KMT2E: variants seen among roughly 807,000 people sequenced by gnomAD.
KMT2E encodes the protein histone reader KMT2E.
In KMT2E, 30 loss-of-function variants were observed where a neutral mutation model predicts 184.6. The ratio of observed to expected loss-of-function variants is 0.16; its 90% confidence interval spans 0.12 to 0.22. KMT2E has a LOEUF of 0.22. KMT2E is among the 10% of genes least tolerant of loss of function. The pLI is 1.00. For synonymous variants in KMT2E, 815 were observed against 776.5 expected, an observed-to-expected ratio of 1.05 and a Z score of -0.82; for missense variants, 2,023 against 2,237.4, an observed-to-expected ratio of 0.90 and a Z score of 1.93.
At chr7:105,111,100 C>CTTACAT in intron 26 of KMT2E, 1 of 473,658 alleles carries the variant, frequency 2.1e-6, no homozygotes. Flanking sequence ...ACTTCAACAG[C>CTTACAT]TTACATTTTC....
At chr7:105,076,665 A>T (rs1797536871) in intron 9 of KMT2E, among the ~76,000 whole-genome samples, 1 of 152,214 alleles carries the variant, frequency 6.6e-6, no homozygotes, top group South Asian at 2.1e-4. Context: ...CACAGAGGTC[A>T]GCTGTATGCT....
intron 6 of KMT2E, 120 bp downstream of exon 6, chr7:105,066,927 C>A (rs1166280059): frequency 2.8e-5 from 21 of 737,646 alleles, no homozygotes; most frequent in African/African-American, 1.7e-5. Context: ...CATGGTGGCT[C>A]ATGCCTGTAG....
At chr7:105,047,198 C>T (rs1008156710) in intron 3 of KMT2E, among the ~76,000 whole-genome samples, 3 of 152,158 alleles carry the variant, frequency 2.0e-5, no homozygotes, top group Non-Finnish European at 2.9e-5. Flanking sequence ...AGGGATGGCA[C>T]GTAGGCATCT....
At position 105,113,518 on chromosome 7, in the gene KMT2E, G is replaced by GTAA; in HGVS notation, c.*187_*188insATA. 1.8e-6 allele frequency: 1 copy of GTAA among 555,866 alleles called. No homozygotes were observed. Among genetic ancestry groups the GTAA allele is most frequent in the East Asian group, 3.4e-5 (1 of 29,420 alleles). The allele number at this position is 555,866 out of a possible 1,614,324, so 34.4% of individuals were successfully genotyped here. ...CTTTAAAAAATGTGCTGTTAAGCCA[G>GTAA]TATTAGGTATCTTTATTTTGTAAGT... is the stretch of plus-strand genomic sequence containing the variant. On this transcript the variant is annotated 3_prime_UTR_variant, in exon 27 of 27. Transcript: ENST00000311117.
At chr7:105,103,368 A>G (rs1025788792) in intron 17 of KMT2E, 1 of 152,168 alleles carries the variant, frequency 6.6e-6, no homozygotes, top group Non-Finnish European at 1.5e-5. Context: ...CCAAATTATC[A>G]TGATTTCCCC....
At chr7:105,107,961 T>G (rs1798986553) in intron 22 of KMT2E, 36 bp downstream of exon 22, 2 of 479,556 alleles carry the variant, frequency 4.2e-6, no homozygotes, top group South Asian at 4.5e-5. Context: ...CTTTTAATAG[T>G]TTTTTTTTTT....
rs551559211 is a variant in KMT2E at position 105,069,593 on chromosome 7, T to A, written c.497+2786T>A. 3.3e-5 allele frequency among the ~76,000 whole-genome samples: 5 copies of A among 152,362 alleles called. No individual in the cohort carries two copies. The East Asian group carries it at 9.6e-4, about 29-fold the overall frequency. ...TACACACTTATGTTGTTTAGGTCAT[T>A]AATTTTATTGATTTTTAAAAAATTA... On this transcript the variant is annotated intron_variant, in intron 6 of 26. Transcript: ENST00000311117.
chr7:105,068,288 T>C (rs2129567546), intron 6 of KMT2E, among the ~76,000 whole-genome samples: 1 of 152,220 alleles, frequency 6.6e-6, no homozygotes, highest in South Asian at 2.1e-4. Context: ...ACTATTTTCA[T>C]AGTTAGACTG....
At chr7:105,043,793 A>G (rs1795988010) in intron 3 of KMT2E, among the ~76,000 whole-genome samples, 1 of 152,208 alleles carries the variant, frequency 6.6e-6, no homozygotes, top group South Asian at 2.1e-4. Context: ...GAATAGAAAT[A>G]TTACGTAAAT....
At chr7:105,023,852 G>A (rs1426802167) in intron 1 of KMT2E, among the ~76,000 whole-genome samples, 2 of 152,160 alleles carry the variant, frequency 1.3e-5, no homozygotes, top group South Asian at 2.1e-4. Context: ...TGGTGAGATG[G>A]TATATACACA....
intron 13 of KMT2E, among the ~76,000 whole-genome samples, chr7:105,084,972 A>G (rs1797902804): frequency 1.3e-5 from 2 of 152,108 alleles, no homozygotes; most frequent in East Asian, 1.9e-4. Context: ...TAATTTGTGT[A>G]TATTTTATGG....
chr7:105,053,966 A>T (rs914994492), intron 3 of KMT2E, among the ~76,000 whole-genome samples: 7 of 152,084 alleles, frequency 4.6e-5, no homozygotes, highest in Non-Finnish European at 1.0e-4. Context: ...TGGGGTCGGG[A>T]GCTTGAGACC....
intron 26 of KMT2E, 32 bp from the exon 27 acceptor site, chr7:105,111,793 T>TCTTCATA: frequency 1.3e-6 from 2 of 1,570,784 alleles, no homozygotes; most frequent in South Asian, 2.4e-5. Flanking sequence ...AAAATGTTCC[T>TCTTCATA]TGAATGTATA....
chr7:105,014,701 T>A (rs1794637258), intron 1 of KMT2E, among the ~76,000 whole-genome samples, 166 bp downstream of exon 1: 1 of 152,054 alleles, frequency 6.6e-6, no homozygotes, highest in Admixed American at 6.6e-5. Context: ...AAATCGAATT[T>A]ATTCTTTCTT....
chr7:105,069,443 A>G (rs1465751644), intron 6 of KMT2E, among the ~76,000 whole-genome samples: 1 of 152,234 alleles, frequency 6.6e-6, no homozygotes, highest in African/African-American at 2.4e-5. Flanking sequence ...CACTAGCACC[A>G]ACAATATGAT....
chr7:105,085,032 A>G (rs562443517), intron 13 of KMT2E, among the ~76,000 whole-genome samples: 1 of 151,788 alleles, frequency 6.6e-6, no homozygotes, highest in South Asian at 2.1e-4. Context: ...CATTCTTGAC[A>G]TAACTTTTTC....
chr7:105,046,913 T>C (rs1212806081), intron 3 of KMT2E, among the ~76,000 whole-genome samples: 1 of 152,198 alleles, frequency 6.6e-6, no homozygotes, highest in African/African-American at 2.4e-5. Flanking sequence ...GTCCACAGGC[T>C]CAAAGATTTG....
intron 1 of KMT2E, among the ~76,000 whole-genome samples, chr7:105,037,443 GC>G (rs1191234608): frequency 6.6e-6 from 1 of 151,960 alleles, no homozygotes; most frequent in East Asian, 1.9e-4. Context: ...GCTCACTGCA[GC>G]CTTGACCTCT....
At chr7:105,069,832 C>T (rs1346015849) in intron 6 of KMT2E, among the ~76,000 whole-genome samples, 1 of 152,178 alleles carries the variant, frequency 6.6e-6, no homozygotes, top group Non-Finnish European at 1.5e-5. Context: ...CCTTCTACCC[C>T]TGAACTTGGC....
Sources: gnomAD v4.1 joint callset for allele counts (sites outside exome capture counted in the v4.1 genomes callset) on GRCh38, gnomAD v4.1.1 for gene constraint, MANE v1.5 for transcripts, NCBI Gene and HGNC (gene_info 2026-07-23, HGNC 2026-07-21) for gene names.